The following ADGRF3 variants were observed in gnomAD, a reference collection of about 807,000 sequenced individuals.
ADGRF3 encodes the protein G protein-coupled receptor 113.
ADGRF3 carries 85 observed loss-of-function variants against 93.2 expected under a neutral mutation model. That is an observed-to-expected ratio of 0.91 (90% CI 0.77 to 1.09). The LOEUF (loss-of-function observed/expected upper bound fraction) is 1.09, where lower values mean the gene tolerates loss of function less well. ADGRF3 is among the 50% of genes least tolerant of loss of function. ADGRF3 has a pLI of 0.00. For missense variants in ADGRF3, 1,125 were observed against 1,246.2 expected (o/e 0.90, Z 1.46); for synonymous variants, 534 against 532.5 (o/e 1.00, Z -0.04).
At chr2:26,315,886 T>G in intron 4 of ADGRF3, 146 bp from the exon 5 acceptor site, 1 of 1,232,068 alleles carries the variant, frequency 8.1e-7, no homozygotes, top group Non-Finnish European at 1.1e-6. Flanking sequence ...TGTCCCTGGG[T>G]GGGCACCTGA....
At chr2:26,333,892 C>T (rs1050281627) in intron 1 of ADGRF3, among the ~76,000 whole-genome samples, 3 of 151,904 alleles carry the variant, frequency 2.0e-5, no homozygotes, top group Non-Finnish European at 4.4e-5. Context: ...GGTGCAATCT[C>T]GGCTCACTGC....
intron 1 of ADGRF3, among the ~76,000 whole-genome samples, chr2:26,323,633 G>GTT (rs71399383): frequency 0.34 from 46,959 of 138,706 alleles, 9,784 homozygotes; most frequent in Non-Finnish European, 0.48. Flanking sequence ...TTCTGTGTTT[G>GTT]TTTTTTTTTT....
At chr2:26,326,429 G>A (rs1012284014) in intron 1 of ADGRF3, among the ~76,000 whole-genome samples, 1 of 152,132 alleles carries the variant, frequency 6.6e-6, no homozygotes, top group Admixed American at 6.5e-5. Context: ...ATATCCTTCT[G>A]GAAGTGGAAG....
At chr2:26,332,541 A>G (rs1171852415) in intron 1 of ADGRF3, among the ~76,000 whole-genome samples, 2 of 152,174 alleles carry the variant, frequency 1.3e-5, no homozygotes, top group Admixed American at 6.5e-5. Flanking sequence ...GAAGTTTGAG[A>G]CCAGCCTGGG....
Position 26,315,692 on chromosome 2 carries a change from G to C in ADGRF3, c.548C>G (p.Thr183Arg), listed in dbSNP as rs746534491. Residue 183 changes from threonine (T) to arginine (R), a missense_variant, in exon 5 of 14, where the codon ACG (threonine) becomes AGG (arginine). Thr to Arg is a moderately conservative substitution (Grantham distance 71, BLOSUM62 -1). Coordinates refer to ENST00000651242, the MANE Select transcript of ADGRF3 (RefSeq NM_001321971.2). ...LNSQLQMPGDTLSLTLHLSQE... is the reference protein window; with the variant it reads ...LNSQLQMPGDRLSLTLHLSQE... ...GCTCAGATGGAGAGTCAGGCTCAGC[G>C]TGTCACCAGGCATCTGCAGCTGGGA... 2 of 1,551,438 alleles carry C rather than the reference G, an allele frequency of 1.3e-6. No individual in the cohort carries two copies. Among genetic ancestry groups the C allele is most frequent in the Non-Finnish European group, 8.7e-7 (1 of 1,146,996 alleles).
At chr2:26,325,190 G>T (rs1177613766) in intron 1 of ADGRF3, among the ~76,000 whole-genome samples, 1 of 152,178 alleles carries the variant, frequency 6.6e-6, no homozygotes. Context: ...CCCAGCTGCA[G>T]CACAATTCCA....
chr2:26,313,648 G>A (rs1482916992), intron 7 of ADGRF3, 75 bp from the exon 8 acceptor site: 22 of 1,558,604 alleles, frequency 1.4e-5, no homozygotes, highest in South Asian at 4.7e-5. Context: ...AACCCTATGC[G>A]GGCCCCGAAG....
chr2:26,324,236 G>T (rs962889431), intron 1 of ADGRF3, among the ~76,000 whole-genome samples: 1 of 152,170 alleles, frequency 6.6e-6, no homozygotes, highest in African/African-American at 2.4e-5. Context: ...GGGCAACAGA[G>T]CAAGACCCTG....
chr2:26,309,980 C>CCTTCTGA, intron 12 of ADGRF3, 63 bp downstream of exon 12: 1 of 1,614,010 alleles, frequency 6.2e-7, no homozygotes. Flanking sequence ...CTGAGGAGGG[C>CCTTCTGA]CATGGAATGC....
At position 26,309,979 on chromosome 2, in the gene ADGRF3, G is replaced by A. The variant is rs766827295; in HGVS notation, c.2937+64C>T. On this transcript the variant is annotated intron_variant, in intron 12 of 13. Transcript: ENST00000651242. ...GCTGTGCCCATGTCCTCTGAGGAGG[G>A]CCATGGAATGCCTTCTGACATGCTC... 1.9e-6 allele frequency: 3 copies of A among 1,613,908 alleles called. No individual in the cohort carries two copies. The highest frequency in any genetic ancestry group is 1.7e-5 in the Admixed American group (1 of 60,000).
At chr2:26,317,778 G>C (rs1346973231) in intron 1 of ADGRF3, among the ~76,000 whole-genome samples, 1 of 152,232 alleles carries the variant, frequency 6.6e-6, no homozygotes, top group Non-Finnish European at 1.5e-5. Flanking sequence ...CCAGGAACCA[G>C]GCACGCCCTG....
At chr2:26,319,012 GT>G in intron 1 of ADGRF3, 1 of 1,551,690 alleles carries the variant, frequency 6.4e-7, no homozygotes. Context: ...GGGAAGAGTT[GT>G]GGCCAGGAGC....
In ADGRF3 at chr2:26,346,131, A is replaced by G. The variant is rs373043841; in HGVS notation, c.104T>C (p.Leu35Pro). 11 of 1,594,986 alleles carry G rather than the reference A, an allele frequency of 6.9e-6. No individual in the cohort carries two copies. The highest frequency in any genetic ancestry group is 8.5e-6 in the Non-Finnish European group (10 of 1,172,114). ...GCGCGGCTCTCCTACCTTCTCGGGC[A>G]GCCCAGTCTTTGCCATCCTTGCCCA... The part of the protein sequence containing the change: ...TGWARMAKTG[L>P]PEKGQSQAGG... The change falls in exon 1 of 14, where the codon CTG becomes CCG. Residue 35 changes from leucine (L) to proline (P), a missense_variant. Physicochemically the swap from Leu to Pro is moderately conservative, Grantham distance 98. Transcript: ENST00000651242.
intron 1 of ADGRF3, among the ~76,000 whole-genome samples, chr2:26,336,994 G>T (rs1458933830): frequency 6.6e-6 from 1 of 152,168 alleles, no homozygotes; most frequent in African/African-American, 2.4e-5. Context: ...CCAATGACAA[G>T]AGTTTTTGCC....
intron 1 of ADGRF3, among the ~76,000 whole-genome samples, chr2:26,341,743 C>T (rs984214239): frequency 6.6e-6 from 1 of 152,072 alleles, no homozygotes; most frequent in East Asian, 1.9e-4. Context: ...AGGGACCCTC[C>T]TTTCTCAGCC....
intron 1 of ADGRF3, among the ~76,000 whole-genome samples, chr2:26,321,486 G>A (rs947644782): frequency 6.6e-6 from 1 of 152,030 alleles, no homozygotes; most frequent in Non-Finnish European, 1.5e-5. Flanking sequence ...GCTCAACAGG[G>A]TCTGTTGAGG....
At chr2:26,345,733 C>A in intron 1 of ADGRF3, 1 of 204,006 alleles carries the variant, frequency 4.9e-6, no homozygotes, top group Non-Finnish European at 1.0e-5. Context: ...TGAACTGGTT[C>A]GCAAGCAGTC....
chr2:26,310,727 G>A lies in ADGRF3; in HGVS notation c.2797C>T (p.Pro933Ser), dbSNP rs1363187778. ...ATLLEEVSTV[P>S]HYIFTILNTL... ...TTGAGAATGGTGAAGATGTAATGAG[G>A]GACCGTGGAGACTTCCTCTAACAGA... Residue 933 changes from proline (P) to serine (S), a missense_variant, in exon 10 of 14, where the codon CCT (proline) becomes TCT (serine). By Grantham distance (74) the Pro-to-Ser change is moderately conservative. Coordinates refer to ENST00000651242, the MANE Select transcript of ADGRF3 (RefSeq NM_001321971.2). 8 of 1,612,878 alleles carry A rather than the reference G, an allele frequency of 5.0e-6. No homozygotes were observed. Among genetic ancestry groups the A allele is most frequent in the Middle Eastern group, 1.6e-4 (1 of 6,062 alleles).
intron 1 of ADGRF3, chr2:26,318,242 G>A (rs1446673212): frequency 8.0e-6 from 5 of 626,050 alleles, no homozygotes; most frequent in South Asian, 2.1e-5. Context: ...ATGCACCTGC[G>A]TGTGCGTGTG....
Sources: gnomAD v4.1 joint callset for allele counts (sites outside exome capture counted in the v4.1 genomes callset) on GRCh38, gnomAD v4.1.1 for gene constraint, MANE v1.5 for transcripts, NCBI Gene and HGNC (gene_info 2026-07-23, HGNC 2026-07-21) for gene names.